The following MYH9 variants were observed in gnomAD, a reference collection of about 807,000 sequenced individuals.
MYH9 encodes myosin-9.
MYH9 carries 29 observed loss-of-function variants against 241.9 expected under a neutral mutation model. The ratio of observed to expected loss-of-function variants is 0.12; its 90% CI spans 0.09 to 0.16. MYH9 has a LOEUF of 0.16. Ranked by LOEUF, MYH9 falls within the 10% of genes least tolerant of loss-of-function variation. The pLI is 1.00. For synonymous variants in MYH9, 1,047 were observed against 1,062.6 expected (o/e 0.99, Z 0.29); for missense variants, 1,803 against 2,595.5 (o/e 0.69, Z 6.63).
chr22:36,308,377 G>A (rs941694247), intron 15 of MYH9, among the ~76,000 whole-genome samples: 2 of 150,898 alleles, frequency 1.3e-5, no homozygotes, highest in Non-Finnish European at 2.9e-5. Context: ...TGATCCTCCC[G>A]CCTCAGCCTC....
intron 31 of MYH9, among the ~76,000 whole-genome samples, chr22:36,290,371 TA>T (rs542496689): frequency 3.0e-3 from 452 of 151,338 alleles, no homozygotes; most frequent in Non-Finnish European, 5.0e-3. Flanking sequence ...CAAACTATTT[TA>T]AAAAAACCCA....
At chr22:36,324,096 C>A (rs142693756) in intron 5 of MYH9, among the ~76,000 whole-genome samples, 2 of 152,240 alleles carry the variant, frequency 1.3e-5, no homozygotes, top group African/African-American at 2.4e-5. Flanking sequence ...GAAGGGAGCG[C>A]GGCCCCTCCA....
At position 36,295,079 on chromosome 22, in the gene MYH9, G is replaced by C; in HGVS notation, c.3486-3C>G. The C allele has an allele frequency of 6.2e-7, 1 of 1,614,128 alleles. No individual in the cohort carries two copies. Among genetic ancestry groups the C allele is most frequent in the Non-Finnish European group, 8.5e-7 (1 of 1,180,026 alleles). ...TCACCTCCTGCTCACGTTTTGACCT[G>C]GACAGAGAAATCCCCTCAGAGTGGA... is the stretch of plus-strand genomic sequence containing the variant. On this transcript the variant is annotated splice_polypyrimidine_tract_variant and splice_region_variant and intron_variant, in intron 26 of 40. Coordinates refer to ENST00000216181, the MANE Select transcript of MYH9 (RefSeq NM_002473.6). This position sits in a 1 kb window ranked among gnomAD's most constrained non-coding sequence, Gnocchi z 4.1.
intron 15 of MYH9, among the ~76,000 whole-genome samples, chr22:36,307,058 C>T (rs2016982010): frequency 2.6e-5 from 4 of 152,126 alleles, no homozygotes; most frequent in Admixed American, 2.6e-4. Context: ...TCTCACTGAC[C>T]CTGTCATAAG....
chr22:36,351,182 A>G (rs1165496300), intron 1 of MYH9, among the ~76,000 whole-genome samples: 1 of 152,188 alleles, frequency 6.6e-6, no homozygotes, highest in Non-Finnish European at 1.5e-5. Context: ...TTTTCCAGGA[A>G]AAAACCTTTT....
chr22:36,338,024 G>A (rs941258608), intron 3 of MYH9, among the ~76,000 whole-genome samples: 1 of 150,272 alleles, frequency 6.7e-6, no homozygotes, highest in African/African-American at 2.5e-5. Context: ...TTGAGACCAA[G>A]TCTCGCTCTG....
chr22:36,341,618 G>C, intron 2 of MYH9, 92 bp from the exon 3 acceptor site: 1 of 1,452,052 alleles, frequency 6.9e-7, no homozygotes, highest in Non-Finnish European at 9.5e-7. Context: ...GGCTTCAAAG[G>C]ACCCCTGAGT....
At chr22:36,365,959 CG>C (rs1473537446) in intron 1 of MYH9, among the ~76,000 whole-genome samples, 2 of 152,046 alleles carry the variant, frequency 1.3e-5, no homozygotes, top group Non-Finnish European at 2.9e-5. Flanking sequence ...GAGGCTGAGG[CG>C]GACAGATCAC....
intron 1 of MYH9, among the ~76,000 whole-genome samples, chr22:36,379,703 TGCACG>T (rs894863437): frequency 9.9e-5 from 15 of 152,152 alleles, no homozygotes; most frequent in Non-Finnish European, 2.1e-4. Context: ...TAGCCCAACC[TGCACG>T]GCAGGAAGCC....
chr22:36,326,485 A>C (rs1019365273), intron 5 of MYH9, 83 bp downstream of exon 5: 23 of 1,243,084 alleles, frequency 1.9e-5, no homozygotes, highest in Non-Finnish European at 2.6e-5. Flanking sequence ...GTAAAGCTGA[A>C]GCCGGGACCA....
intron 2 of MYH9, among the ~76,000 whole-genome samples, chr22:36,346,281 G>A (rs1405585037): frequency 3.9e-5 from 6 of 152,216 alleles, no homozygotes; most frequent in Admixed American, 3.9e-4. Context: ...CAAAGACCTC[G>A]TTGTCACAGA....
At chr22:36,369,018 G>A (rs2018053078) in intron 1 of MYH9, among the ~76,000 whole-genome samples, 1 of 152,146 alleles carries the variant, frequency 6.6e-6, no homozygotes, top group South Asian at 2.1e-4. Flanking sequence ...TCTGTACCAC[G>A]CTGGTCCTCC....
chr22:36,317,481 T>C (rs957447057), intron 11 of MYH9, among the ~76,000 whole-genome samples: 1 of 152,232 alleles, frequency 6.6e-6, no homozygotes, highest in East Asian at 1.9e-4. Flanking sequence ...TAATACGCGA[T>C]GTCTTTTGAA....
At chr22:36,377,944 C>CTA (rs1447082067) in intron 1 of MYH9, among the ~76,000 whole-genome samples, 1 of 151,862 alleles carries the variant, frequency 6.6e-6, no homozygotes, top group Non-Finnish European at 1.5e-5. Context: ...CGTGTATTTC[C>CTA]TACCACCTGA....
rs759777823 is a variant in MYH9 at position 36,284,228 on chromosome 22, C to A, written c.5630G>T (p.Arg1877Leu). The A allele has an allele frequency of 2.5e-6, 4 of 1,612,824 alleles. No individual in the cohort carries two copies. The East Asian group carries it at 8.9e-5, about 36-fold the overall frequency. ...KASTRLKQLK[R>L]QLEEAEEEAQ... ...CTCCTCTTCGGCCTCCTCCAGCTGC[C>A]GCTTGAGCTGCTTCAGGCGGGTAGA... Residue 1877 changes from arginine to leucine, a missense_variant, in exon 40 of 41, where the codon CGG (arginine) becomes CTG (leucine). Physicochemically the swap from Arg to Leu is moderately radical, Grantham distance 102 (BLOSUM62 -2). Coordinates refer to ENST00000216181, the MANE Select transcript of MYH9 (RefSeq NM_002473.6).
chr22:36,385,069 A>G (rs767116643), intron 1 of MYH9, among the ~76,000 whole-genome samples: 28 of 152,244 alleles, frequency 1.8e-4, no homozygotes, highest in Admixed American at 1.0e-3. Flanking sequence ...TCAGTAAATT[A>G]GGACGTTTGT....
intron 31 of MYH9, among the ~76,000 whole-genome samples, 200 bp from the exon 32 acceptor site, chr22:36,289,497 G>A (rs960419868): frequency 6.6e-6 from 1 of 152,260 alleles, no homozygotes; most frequent in African/African-American, 2.4e-5. Context: ...CTGCCGACTG[G>A]AGCAGGCACT....
intron 1 of MYH9, among the ~76,000 whole-genome samples, chr22:36,361,503 T>C (rs1205085335): frequency 2.0e-5 from 3 of 152,142 alleles, no homozygotes; most frequent in Non-Finnish European, 4.4e-5. Flanking sequence ...AGTACGTATT[T>C]CAAATCATGT....
intron 30 of MYH9, among the ~76,000 whole-genome samples, chr22:36,292,769 C>T (rs960524925): frequency 2.0e-5 from 3 of 152,220 alleles, no homozygotes; most frequent in South Asian, 2.1e-4. Context: ...CGGACCCCTT[C>T]GCAGTCTAGA....
Sources: gnomAD v4.1 joint callset for allele counts (sites outside exome capture counted in the v4.1 genomes callset) on GRCh38, gnomAD v4.1.1 for gene constraint, Gnocchi (gnomAD v3.1) non-coding constraint, MANE v1.5 for transcripts, NCBI Gene and HGNC (gene_info 2026-07-23, HGNC 2026-07-21) for gene names.